Variants in SNX22 observed in about 807,000 individuals in gnomAD.
SNX22 encodes the protein sorting nexin-22.
A neutral mutation model predicts 24.7 loss-of-function variants in SNX22; 23 were observed. The observed-to-expected ratio is 0.93, with a 90% confidence interval of 0.67 to 1.32. The LOEUF is 1.32. SNX22 is among the 40% of genes most tolerant of loss of function. SNX22 has a pLI of 0.00. For synonymous variants in SNX22, 99 were observed against 104.0 expected (o/e 0.95, Z 0.29); for missense variants, 261 against 249.9 (o/e 1.04, Z -0.30).
chr15:64,156,901 T>TTCTGTGGGGCTCAGATTTTGATTATA lies in SNX22; in HGVS notation c.*2393_*2394insTCTGTGGGGCTCAGATTTTGATTATA. The stretch of plus-strand genomic sequence containing the variant: ...TCATCGGGGAAGCGCTCACCGTAGA[T>TTCTGTGGGGCTCAGATTTTGATTATA]GCTCTTTCCTGGGAAAAAAGACAGA... On this transcript the variant is annotated 3_prime_UTR_variant, in exon 7 of 7. Transcript: ENST00000325881. The surrounding 1 kb of genome is among the most constrained non-coding windows in gnomAD (Gnocchi z 6.4). 6.2e-7 allele frequency: 1 copy of TTCTGTGGGGCTCAGATTTTGATTATA among 1,614,092 alleles called. No individual in the cohort carries two copies. The highest frequency in any genetic ancestry group is 8.5e-7 in the Non-Finnish European group (1 of 1,179,988).
At chr15:64,151,926 G>T (rs2081489005) in intron 1 of SNX22, 76 bp downstream of exon 1, 1 of 1,369,790 alleles carries the variant, frequency 7.3e-7, no homozygotes, top group Admixed American at 2.5e-5. Flanking sequence ...TGGGGACCCG[G>T]GGCCCGGGCC....
In SNX22 at chr15:64,152,332, G is replaced by A; in HGVS notation, c.159+6G>A. 6.6e-7 allele frequency: 1 copy of A among 1,511,340 alleles called. No homozygotes were observed. Among genetic ancestry groups the A allele is most frequent in the African/African-American group, 1.4e-5 (1 of 70,868 alleles). The allele number at this position is 1,511,340 out of a possible 1,614,324, so 93.6% of individuals were successfully genotyped here. On this transcript the variant is annotated splice_donor_region_variant and intron_variant, in intron 2 of 6. Transcript: ENST00000325881. The stretch of plus-strand genomic sequence containing the variant: ...TCCACGCGCTGCACAAGCGGGTGAG[G>A]CGGCGCCGACCTCCCACCGGCCCCG...
Position 64,156,222 on chromosome 15 carries a change from G to A in SNX22, c.*1714G>A, listed in dbSNP as rs2081530449. Reference sequence around the variant, plus strand: ...GCTCAGGAGAAAGGCCCCAGCGTATGGCTCAGGAGGGCTAAGACCCACAAG... The same window carrying A: ...GCTCAGGAGAAAGGCCCCAGCGTATAGCTCAGGAGGGCTAAGACCCACAAG... On this transcript the variant is annotated 3_prime_UTR_variant, in exon 7 of 7. Transcript: ENST00000325881. This position sits in a 1 kb window ranked among gnomAD's most constrained non-coding sequence, Gnocchi z 6.4. 6.4e-7 allele frequency: 1 copy of A among 1,566,194 alleles called. No individual in the cohort carries two copies. The highest frequency in any genetic ancestry group is 8.7e-7 in the Non-Finnish European group (1 of 1,146,296).
At position 64,156,430 on chromosome 15, in the gene SNX22, C is replaced by A; in HGVS notation, c.*1922C>A. 1.6e-6 allele frequency: 1 copy of A among 615,654 alleles called. No individual in the cohort carries two copies. The highest frequency in any genetic ancestry group is 2.6e-5 in the Admixed American group (1 of 37,846). 38.1% of individuals were successfully genotyped at this position (615,654 alleles called of 1,614,324 possible). Reference sequence around the variant, plus strand: ...GGCATGTGGCTTCTCAGGGACATTGCGTTCAGCTGCACTCTGTATACCTCA... The same window carrying A: ...GGCATGTGGCTTCTCAGGGACATTGAGTTCAGCTGCACTCTGTATACCTCA... On this transcript the variant is annotated 3_prime_UTR_variant, in exon 7 of 7. Coordinates refer to ENST00000325881, the MANE Select transcript of SNX22 (RefSeq NM_024798.3). The surrounding 1 kb of genome is among the most constrained non-coding windows in gnomAD (Gnocchi z 6.4).
intron 2 of SNX22, 73 bp from the exon 3 acceptor site, chr15:64,152,565 C>G (rs2081494797): frequency 1.4e-6 from 2 of 1,457,370 alleles, no homozygotes; most frequent in African/African-American, 2.8e-5. Flanking sequence ...CGCGGGAGGG[C>G]TTCTGGCTGG....
intron 3 of SNX22, 170 bp from the exon 4 acceptor site, chr15:64,153,075 C>T: frequency 1.3e-6 from 1 of 768,300 alleles, no homozygotes; most frequent in Non-Finnish European, 2.1e-6. Flanking sequence ...TGGGGTACAA[C>T]CTGTGCACAC....
chr15:64,155,841 T>TTTTTTTTTTTTTTTTTTTTTG lies in SNX22; in HGVS notation c.*1340_*1341insTTTTTTTTTTTTTGTTTTTTT. 1 of 861,004 alleles carries TTTTTTTTTTTTTTTTTTTTTG rather than the reference T, an allele frequency of 1.2e-6. No homozygotes were observed. Among genetic ancestry groups the TTTTTTTTTTTTTTTTTTTTTG allele is most frequent in the African/African-American group, 1.7e-5 (1 of 57,626 alleles). 53.3% of individuals were successfully genotyped at this position (861,004 alleles called of 1,614,324 possible). On this transcript the variant is annotated 3_prime_UTR_variant, in exon 7 of 7. Transcript: ENST00000325881. ...ATATTAAAAAAAAAAAAACCCACAT[T>TTTTTTTTTTTTTTTTTTTTTG]TTTTTTTATTGGTCAGTGTTGGTAG...
Position 64,152,273 on chromosome 15 carries a change from C to T in SNX22, c.106C>T (p.Arg36Cys). 1 of 1,484,910 alleles carries T rather than the reference C, an allele frequency of 6.7e-7. No homozygotes were observed. Among genetic ancestry groups the T allele is most frequent in the Middle Eastern group, 2.0e-4 (1 of 4,994 alleles). The allele number at this position is 1,484,910 out of a possible 1,614,324, so 92.0% of individuals were successfully genotyped here. A position where few individuals can be genotyped will look rare whatever the true frequency, so the allele number is the denominator to read the frequency against. The change falls in exon 2 of 7, where the codon CGC (arginine) becomes TGC (cysteine). Residue 36 changes from arginine to cysteine, a missense_variant. Arg to Cys is a radical substitution (Grantham distance 180, BLOSUM62 -3). Transcript: ENST00000325881. ...VFRVEVLCSG[R>C]RHTVPRRYSE... ...CCGAGTGGAGGTGCTGTGCAGCGGG[C>T]GCAGACACACGGTGCCAAGGCGCTA... is the stretch of plus-strand genomic sequence containing the variant.
Position 64,155,810 on chromosome 15 carries a change from C to T in SNX22, c.*1302C>T, listed in dbSNP as rs2081524745. 1.7e-6 allele frequency: 1 copy of T among 584,410 alleles called. No individual in the cohort carries two copies. Among genetic ancestry groups the T allele is most frequent in the Non-Finnish European group, 2.9e-6 (1 of 349,740 alleles). The allele number at this position is 584,410 out of a possible 1,614,324, so 36.2% of individuals were successfully genotyped here. Reference sequence around the variant, plus strand: ...TGCAGGCTCAAGAACCAGGCCCACACATTATATATTAAAAAAAAAAAAACC... The same window carrying T: ...TGCAGGCTCAAGAACCAGGCCCACATATTATATATTAAAAAAAAAAAAACC... On this transcript the variant is annotated 3_prime_UTR_variant, in exon 7 of 7. Transcript: ENST00000325881.
Position 64,152,308 on chromosome 15 carries a change from C to G in SNX22, c.141C>G (p.Phe47Leu). 1 of 1,514,160 alleles carries G rather than the reference C, an allele frequency of 6.6e-7. No homozygotes were observed. The highest frequency in any genetic ancestry group is 8.8e-7 in the Non-Finnish European group (1 of 1,138,472). 93.8% of individuals were successfully genotyped at this position (1,514,160 alleles called of 1,614,324 possible). A position where few individuals can be genotyped will look rare whatever the true frequency, so the allele number is the denominator to read the frequency against. Residue 47 changes from phenylalanine (F) to leucine (L), a missense_variant, in exon 2 of 7, where the codon TTC becomes TTG. Coordinates refer to ENST00000325881, the MANE Select transcript of SNX22 (RefSeq NM_024798.3). ...RHTVPRRYSE[F>L]HALHKRIKKL... ...CGGTGCCAAGGCGCTACAGCGAGTT[C>G]CACGCGCTGCACAAGCGGGTGAGGC...
At chr15:64,152,911 G>A in intron 3 of SNX22, 169 bp downstream of exon 3, 2 of 638,674 alleles carry the variant, frequency 3.1e-6, no homozygotes, top group South Asian at 1.9e-5. Context: ...CCCCCCTCTG[G>A]CTTGTTGAAA....
At position 64,156,373 on chromosome 15, in the gene SNX22, C is replaced by A; in HGVS notation, c.*1865C>A. ...CCTTTGAAGTAAGACCCAGGTTGGG[C>A]CAAGGGTGAGGAGGAGGAAGAGGGT... On this transcript the variant is annotated 3_prime_UTR_variant, in exon 7 of 7. Coordinates refer to ENST00000325881, the MANE Select transcript of SNX22 (RefSeq NM_024798.3). This position sits in a 1 kb window ranked among gnomAD's most constrained non-coding sequence, Gnocchi z 6.4. 1.5e-6 allele frequency: 1 copy of A among 669,430 alleles called. No individual in the cohort carries two copies. Among genetic ancestry groups the A allele is most frequent in the Non-Finnish European group, 2.6e-6 (1 of 383,124 alleles). 41.5% of individuals were successfully genotyped at this position (669,430 alleles called of 1,614,324 possible). A position where few individuals can be genotyped will look rare whatever the true frequency, so the allele number is the denominator to read the frequency against.
Position 64,154,763 on chromosome 15 carries a change from C to T in SNX22, c.*255C>T, listed in dbSNP as rs966488673. The T allele has an allele frequency of 8.3e-5, 30 of 360,302 alleles. No homozygotes were observed. Among genetic ancestry groups the T allele is most frequent in the Middle Eastern group, 7.7e-4 (1 of 1,296 alleles). The allele number at this position is 360,302 out of a possible 1,614,324, so 22.3% of individuals were successfully genotyped here. A position where few individuals can be genotyped will look rare whatever the true frequency, so the allele number is the denominator to read the frequency against. On this transcript the variant is annotated 3_prime_UTR_variant, in exon 7 of 7. Coordinates refer to ENST00000325881, the MANE Select transcript of SNX22 (RefSeq NM_024798.3). ...GTAATAAAAGAGGAAGTCAGCCAGG[C>T]GCGGTGGCTCATGCCTGTAATCCCA...
At chr15:64,152,962 T>C (rs573838715) in intron 3 of SNX22, 1 of 607,644 alleles carries the variant, frequency 1.6e-6, no homozygotes, top group East Asian at 2.8e-5. Flanking sequence ...CCCAGCTCCA[T>C]GAAACCCAGG....
intron 3 of SNX22, chr15:64,153,044 C>T (rs2081498812): frequency 3.0e-6 from 2 of 663,970 alleles, no homozygotes; most frequent in South Asian, 2.0e-5. Flanking sequence ...CTTCCCCCAA[C>T]AGCAAAGCTA....
intron 6 of SNX22, 170 bp from the exon 7 acceptor site, chr15:64,154,217 G>A: frequency 6.3e-7 from 1 of 1,578,580 alleles, no homozygotes; most frequent in Non-Finnish European, 8.6e-7. Context: ...TCTTTACCAA[G>A]CTGATGTGAA....
At chr15:64,152,429 A>AT in intron 2 of SNX22, 103 bp downstream of exon 2, 1 of 1,306,990 alleles carries the variant, frequency 7.7e-7, no homozygotes, top group Non-Finnish European at 1.0e-6. Context: ...CGCCACCCCC[A>AT]TTACTGCCTC....
chr15:64,155,848 TA>T lies in SNX22; in HGVS notation c.*1341del, dbSNP rs2081525666. 4 of 903,904 alleles carry T rather than the reference TA, an allele frequency of 4.4e-6. No individual in the cohort carries two copies. The highest frequency in any genetic ancestry group is 5.3e-5 in the Admixed American group (2 of 37,836). The allele number at this position is 903,904 out of a possible 1,614,324, so 56.0% of individuals were successfully genotyped here. ...AAAAAAAAAAACCCACATTTTTTTT[TA>T]TTGGTCAGTGTTGGTAGGAGTTTGT... On this transcript the variant is annotated 3_prime_UTR_variant, in exon 7 of 7. Transcript: ENST00000325881.
chr15:64,154,742 T>G lies in SNX22; in HGVS notation c.*234T>G. ...AAGGCAGGGTCAAGAAGATAAGTAA[T>G]AAAAGAGGAAGTCAGCCAGGCGCGG... is the stretch of plus-strand genomic sequence containing the variant. On this transcript the variant is annotated 3_prime_UTR_variant, in exon 7 of 7. Transcript: ENST00000325881. 1 of 434,540 alleles carries G rather than the reference T, an allele frequency of 2.3e-6. No individual in the cohort carries two copies. Among genetic ancestry groups the G allele is most frequent in the Non-Finnish European group, 4.0e-6 (1 of 248,704 alleles). The allele number at this position is 434,540 out of a possible 1,614,324, so 26.9% of individuals were successfully genotyped here. A position where few individuals can be genotyped will look rare whatever the true frequency, so the allele number is the denominator to read the frequency against.
Sources: allele counts gnomAD v4.1 joint callset, GRCh38; gene constraint gnomAD v4.1.1; non-coding constraint Gnocchi (gnomAD v3.1); transcripts MANE v1.5; gene names NCBI Gene and HGNC (gene_info 2026-07-23, HGNC 2026-07-21).